The following CCDC69 variants were observed in gnomAD, a reference collection of about 807,000 sequenced individuals.
The protein encoded by CCDC69 is coiled-coil domain containing 69, also known as coiled-coil domain-containing protein 69.
In CCDC69, 38 loss-of-function variants were observed where a neutral mutation model predicts 40.3. That is an observed-to-expected ratio of 0.94 (90% CI 0.73 to 1.24). The LOEUF (loss-of-function observed/expected upper bound fraction) is 1.24, where lower values mean the gene tolerates loss of function less well. Among genes scored for constraint, CCDC69 ranks in the 50% most tolerant of loss-of-function variants. CCDC69 has a pLI of 0.00. For missense variants in CCDC69, 389 were observed against 357.9 expected (o/e 1.09, Z -0.70); for synonymous variants, 141 against 138.9 (o/e 1.02, Z -0.11).
At chr5:151,221,647 G>A (rs988111784) in intron 1 of CCDC69, among the ~76,000 whole-genome samples, 1 of 152,258 alleles carries the variant, frequency 6.6e-6, no homozygotes, top group Non-Finnish European at 1.5e-5. Flanking sequence ...TCCTCACTGA[G>A]CCTCAGTTTC....
At chr5:151,190,745 AC>A (rs1353873618) in intron 4 of CCDC69, among the ~76,000 whole-genome samples, 8 of 151,866 alleles carry the variant, frequency 5.3e-5, no homozygotes, top group African/African-American at 1.5e-4. Flanking sequence ...TAAAAAAAAT[AC>A]AGAGATACAG....
At position 151,213,940 on chromosome 5, in the gene CCDC69, G is replaced by A. The variant is rs189726825; in HGVS notation, c.49-8465C>T. ...CCTATCCTGGCTGAGGAAGGCTTACGGGAACCCAGAGCAGGGTTGGAAGGG... is the reference window on the plus strand; with the variant it reads ...CCTATCCTGGCTGAGGAAGGCTTACAGGAACCCAGAGCAGGGTTGGAAGGG... On this transcript the variant is annotated intron_variant, in intron 1 of 8. Coordinates refer to ENST00000355417, the MANE Select transcript of CCDC69 (RefSeq NM_015621.3). 6.1e-3 allele frequency among the ~76,000 whole-genome samples: 927 copies of A among 152,262 alleles called. 12 individuals are homozygous for A. Among genetic ancestry groups the A allele is most frequent in the African/African-American group, 0.02 (829 of 41,532 alleles).
At chr5:151,197,965 C>T (rs543177756) in intron 4 of CCDC69, among the ~76,000 whole-genome samples, 22 of 152,242 alleles carry the variant, frequency 1.4e-4, no homozygotes, top group Admixed American at 5.2e-4. Context: ...AATTCACTTC[C>T]TCACCCCAAA....
chr5:151,221,201 G>A (rs184283605), intron 1 of CCDC69, among the ~76,000 whole-genome samples: 4 of 152,248 alleles, frequency 2.6e-5, no homozygotes, highest in Non-Finnish European at 4.4e-5. Context: ...CCAGATCCTT[G>A]AACCTGGAGG....
In CCDC69 at chr5:151,185,426, GT is replaced by G. The variant is rs758185568; in HGVS notation, c.610del (p.Thr204GlnfsTer2). On this transcript the variant is annotated frameshift_variant, in exon 7 of 9. Coordinates refer to ENST00000355417, the MANE Select transcript of CCDC69 (RefSeq NM_015621.3). LOFTEE classifies it high-confidence loss of function. ...ELDRRLILMETVKEKNLILEE... is the reference protein window; with the variant it reads ...ELDRRLILMEXVKEKNLILEE... ...CAGCCACTCCCAGTCACAGACCACTGTTTCCATGAGGATCAGCCGCCTGTCC... is the reference window on the plus strand; with the variant it reads ...CAGCCACTCCCAGTCACAGACCACTGTTCCATGAGGATCAGCCGCCTGTCC... The G allele has an allele frequency of 2.5e-6, 4 of 1,613,908 alleles. No individual in the cohort carries two copies. In the Admixed American group the frequency reaches 6.7e-5, roughly 27 times the overall value.
Position 151,207,301 on chromosome 5 carries a change from T to C in CCDC69, c.49-1826A>G, listed in dbSNP as rs6871408. 5.9e-3 allele frequency among the ~76,000 whole-genome samples: 890 copies of C among 151,624 alleles called. 9 individuals are homozygous for C. The highest frequency in any genetic ancestry group is 0.021 in the African/African-American group (848 of 41,300). On this transcript the variant is annotated intron_variant, in intron 1 of 8. Transcript: ENST00000355417. ...AACTATTTGTAGATTATTATTATTA[T>C]TATTATTTTAGATGGAGTCTCGCTC... is the stretch of plus-strand genomic sequence containing the variant.
In CCDC69 at chr5:151,198,666, C is replaced by T. The variant is rs193062664; in HGVS notation, c.319+331G>A. Among the ~76,000 whole-genome samples the T allele has an allele frequency of 1.8e-3, 277 of 152,284 alleles. 2 individuals are homozygous for T. Among genetic ancestry groups the T allele is most frequent in the African/African-American group, 6.5e-3 (269 of 41,556 alleles). ...AACAATAAATAAGAGCTACCATCAT[C>T]GTGGGGATGGAATATGTGTATTTAA... On this transcript the variant is annotated intron_variant, in intron 4 of 8. Transcript: ENST00000355417.
At chr5:151,207,656 G>T (rs1752871698) in intron 1 of CCDC69, among the ~76,000 whole-genome samples, 1 of 152,082 alleles carries the variant, frequency 6.6e-6, no homozygotes, top group Non-Finnish European at 1.5e-5. Context: ...CCAAAATATA[G>T]TAAGGAAAAG....
chr5:151,207,943 A>T (rs2113997853), intron 1 of CCDC69, among the ~76,000 whole-genome samples: 1 of 152,314 alleles, frequency 6.6e-6, no homozygotes, highest in South Asian at 2.1e-4. Flanking sequence ...ATTCAATTTT[A>T]AGAAACACTT....
In CCDC69 at chr5:151,183,668, A is replaced by G. The variant is rs1766678296; in HGVS notation, c.714-54T>C. 21 of 1,502,412 alleles carry G rather than the reference A, an allele frequency of 1.4e-5. No individual in the cohort carries two copies. In the South Asian group the frequency reaches 2.4e-4, roughly 17 times the overall value. The allele number at this position is 1,502,412 out of a possible 1,614,324, so 93.1% of individuals were successfully genotyped here. A position where few individuals can be genotyped will look rare whatever the true frequency, so the allele number is the denominator to read the frequency against. ...CCTACTGGGAGCAGCTGCCACAGAG[A>G]CCAACCCATTCCCCCAGGAAGCCTT... is the stretch of plus-strand genomic sequence containing the variant. On this transcript the variant is annotated intron_variant, in intron 8 of 8. Coordinates refer to ENST00000355417, the MANE Select transcript of CCDC69 (RefSeq NM_015621.3).
intron 2 of CCDC69, among the ~76,000 whole-genome samples, chr5:151,204,907 A>G (rs3097798): frequency 0.88 from 133,312 of 151,998 alleles, 58,940 homozygotes; most frequent in African/African-American, 0.97. Flanking sequence ...ATGCAGATTC[A>G]TTACCTGGGT....
At chr5:151,208,796 T>C (rs1287408436) in intron 1 of CCDC69, among the ~76,000 whole-genome samples, 2 of 152,242 alleles carry the variant, frequency 1.3e-5, no homozygotes, top group Non-Finnish European at 2.9e-5. Flanking sequence ...TAGATTCTAG[T>C]GCCAGCTCTG....
intron 4 of CCDC69, among the ~76,000 whole-genome samples, chr5:151,194,592 G>A (rs1752667688): frequency 6.6e-6 from 1 of 152,084 alleles, no homozygotes; most frequent in Non-Finnish European, 1.5e-5. Flanking sequence ...TGTGGCGATG[G>A]TTACAAGAAT....
intron 4 of CCDC69, among the ~76,000 whole-genome samples, chr5:151,188,978 C>T (rs558298794): frequency 5.9e-5 from 9 of 152,238 alleles, no homozygotes; most frequent in Admixed American, 1.3e-4. Context: ...CAGAATCTCA[C>T]GTATTTAGAT....
intron 1 of CCDC69, among the ~76,000 whole-genome samples, chr5:151,216,779 A>G (rs1753050606): frequency 6.6e-6 from 1 of 152,202 alleles, no homozygotes; most frequent in African/African-American, 2.4e-5. Context: ...GAAATTAACA[A>G]CAACAAGAAA....
intron 6 of CCDC69, 148 bp downstream of exon 6, chr5:151,185,875 T>C (rs1367421933): frequency 1.6e-6 from 1 of 642,876 alleles, no homozygotes; most frequent in Non-Finnish European, 2.8e-6. Flanking sequence ...ATCGGTGAAA[T>C]GGGAACTCTT....
At chr5:151,212,733 G>T (rs565470343) in intron 1 of CCDC69, 70 of 455,218 alleles carry the variant, frequency 1.5e-4, no homozygotes, top group Non-Finnish European at 2.4e-4. Context: ...CAGGCAGGAA[G>T]ACCTGATATT....
At chr5:151,198,933 G>A (rs1561601054) in intron 4 of CCDC69, 64 bp downstream of exon 4, 6 of 1,220,186 alleles carry the variant, frequency 4.9e-6, no homozygotes, top group Admixed American at 1.7e-5. Context: ...AGGTGAACTG[G>A]GCAGGTGGGG....
At chr5:151,212,941 T>G in intron 1 of CCDC69, 1 of 454,846 alleles carries the variant, frequency 2.2e-6, no homozygotes, top group Admixed American at 2.4e-5. Context: ...GAGCGCTCCA[T>G]CATTAGTAGC....
Sources: allele counts gnomAD v4.1 joint callset (sites outside exome capture counted in the v4.1 genomes callset), GRCh38; gene constraint gnomAD v4.1.1; transcripts MANE v1.5; gene names NCBI Gene and HGNC (gene_info 2026-07-23, HGNC 2026-07-21).